The following SRGAP2B variants were observed in gnomAD, a reference collection of about 807,000 sequenced individuals.
SRGAP2B encodes SLIT-ROBO Rho GTPase-activating protein 2B.
Under a neutral mutation model 22.2 loss-of-function variants are expected in SRGAP2B, and 9 were observed. The ratio of observed to expected loss-of-function variants is 0.41; its 90% CI spans 0.24 to 0.71. The LOEUF (loss-of-function observed/expected upper bound fraction) is 0.71. Among genes scored for constraint, SRGAP2B ranks in the 30% least tolerant of loss-of-function variants. The pLI is 0.35. For synonymous variants in SRGAP2B, 36 were observed against 87.4 expected, an observed-to-expected ratio of 0.41 and a Z score of 3.28; for missense variants, 114 against 235.8, an observed-to-expected ratio of 0.48 and a Z score of 3.38.
intron 2 of SRGAP2B, among the ~76,000 whole-genome samples, chr1:145,069,930 C>G (rs1651953741): frequency 6.7e-6 from 1 of 149,206 alleles, no homozygotes; most frequent in Non-Finnish European, 1.5e-5. Flanking sequence ...GTTAATGAAC[C>G]CCAGGCTTAC....
At chr1:145,002,082 T>C in intron 2 of SRGAP2B, among the ~76,000 whole-genome samples, 1 of 106,698 alleles carries the variant, frequency 9.4e-6, no homozygotes. Flanking sequence ...TCTGAAATAA[T>C]TGTTTTTCAT....
intron 3 of SRGAP2B, among the ~76,000 whole-genome samples, chr1:144,993,976 AT>A (rs1216388575): frequency 1.5e-4 from 22 of 150,020 alleles, no homozygotes; most frequent in South Asian, 8.4e-4. Context: ...TTTTTTTGCA[AT>A]TTTTTTTAAG....
intron 2 of SRGAP2B, among the ~76,000 whole-genome samples, chr1:145,022,342 C>A (rs1453282324): frequency 1.0e-5 from 1 of 96,198 alleles, no homozygotes. Flanking sequence ...CAACCCCACA[C>A]ACAAAAACAA....
In SRGAP2B at chr1:144,990,694, C is replaced by A. The variant is rs1370108756; in HGVS notation, c.260+4314G>T. Among the ~76,000 whole-genome samples, 6 of 150,510 alleles carry A rather than the reference C, an allele frequency of 4.0e-5. 1 individual carries two copies. Among genetic ancestry groups the A allele is most frequent in the South Asian group, 2.1e-4 (1 of 4,814 alleles). ...CGGGGCTGCGTGCGGCGCTTGCGGGCCAGCTGGAGTTCCGGGTGGGCTTGG... is the reference window on the plus strand; with the variant it reads ...CGGGGCTGCGTGCGGCGCTTGCGGGACAGCTGGAGTTCCGGGTGGGCTTGG... On this transcript the variant is annotated intron_variant, in intron 3 of 9. Coordinates refer to ENST00000612199, the Ensembl canonical transcript of SRGAP2B.
chr1:144,956,889 A>G (rs1212998144), intron 3 of SRGAP2B, among the ~76,000 whole-genome samples: 3 of 149,300 alleles, frequency 2.0e-5, no homozygotes, highest in Admixed American at 1.3e-4. Flanking sequence ...AATAATTTGC[A>G]GTACTATTTA....
At chr1:144,991,306 C>G (rs1388390825) in intron 3 of SRGAP2B, among the ~76,000 whole-genome samples, 1 of 147,932 alleles carries the variant, frequency 6.8e-6, no homozygotes, top group Non-Finnish European at 1.5e-5. Context: ...CACTCCATAT[C>G]TAGCTCAAGG....
intron 3 of SRGAP2B, among the ~76,000 whole-genome samples, chr1:144,994,644 T>G (rs1187790493): frequency 6.8e-6 from 1 of 146,434 alleles, no homozygotes; most frequent in Non-Finnish European, 1.5e-5. Flanking sequence ...GTTAAGCCCC[T>G]TAACCTTTTT....
At chr1:144,906,002 G>GCTTCTCCGCCTC in exon 6 of SRGAP2B, 1 of 707,272 alleles carries the variant, frequency 1.4e-6, no homozygotes, top group South Asian at 1.5e-5. Context: ...TTCTCCTCCT[G>GCTTCTCCGCCTC]CTTCTCCGCC....
Position 144,933,355 on chromosome 1 carries a change from T to C in SRGAP2B, c.424-18601A>G, listed in dbSNP as rs1253364830. Among the ~76,000 whole-genome samples the C allele has an allele frequency of 1.4e-4, 21 of 150,412 alleles. 1 individual carries two copies. The highest frequency in any genetic ancestry group is 2.1e-4 in the Non-Finnish European group (14 of 67,920). ...CGGCAGAAAAATATTCAAAGGGCTA[T>C]GTTTCATGACCCACAAGGGCATTTT... On this transcript the variant is annotated intron_variant, in intron 4 of 9. Coordinates refer to ENST00000612199, the Ensembl canonical transcript of SRGAP2B.
chr1:145,068,893 A>ATGTATGTGTGTG (rs1301267926), intron 2 of SRGAP2B, among the ~76,000 whole-genome samples: 1 of 109,178 alleles, frequency 9.2e-6, no homozygotes, highest in African/African-American at 3.6e-5. Context: ...ATAAGGTAAA[A>ATGTATGTGTGTG]TGTGTGTGTG....
chr1:144,950,721 G>C (rs11249368), intron 4 of SRGAP2B, among the ~76,000 whole-genome samples: 2 of 148,528 alleles, frequency 1.3e-5, no homozygotes, highest in Non-Finnish European at 3.0e-5. Context: ...AGAAAATCCA[G>C]GATTTTCTCT....
chr1:144,930,500 G>A lies in SRGAP2B; in HGVS notation c.424-15746C>T, dbSNP rs1422431378. On this transcript the variant is annotated intron_variant, in intron 4 of 9. Transcript: ENST00000612199. Reference sequence around the variant, plus strand: ...ATACTAATCTCAGAGATCCTCTGGTGACCACCAAATGGAGGAACTCTACAA... The same window carrying A: ...ATACTAATCTCAGAGATCCTCTGGTAACCACCAAATGGAGGAACTCTACAA... 2.1e-5 allele frequency among the ~76,000 whole-genome samples: 3 copies of A among 141,044 alleles called. No homozygotes were observed. In the East Asian group the frequency reaches 6.2e-4, roughly 29 times the overall value. The allele number at this position is 141,044 out of a possible 152,430, so 92.5% of individuals were successfully genotyped here. A position where few individuals can be genotyped will look rare whatever the true frequency, so the allele number is the denominator to read the frequency against.
exon 10 of SRGAP2B, chr1:144,888,885 G>A (rs1310189005): frequency 6.1e-5 from 8 of 131,522 alleles, no homozygotes; most frequent in South Asian, 4.9e-4. Context: ...TGATCCGCCC[G>A]CCTCGGCCTC....
chr1:144,965,363 C>G (rs1389725952), intron 3 of SRGAP2B, among the ~76,000 whole-genome samples: 1 of 136,436 alleles, frequency 7.3e-6, no homozygotes, highest in East Asian at 2.2e-4. Flanking sequence ...CTGGGAGGCA[C>G]CCCCCAGCAG....
chr1:145,056,907 C>T (rs1650449869), intron 2 of SRGAP2B, among the ~76,000 whole-genome samples: 1 of 133,022 alleles, frequency 7.5e-6, no homozygotes, highest in South Asian at 3.0e-4. Context: ...AACACGAGGG[C>T]AGAGATTAGG....
intron 2 of SRGAP2B, among the ~76,000 whole-genome samples, chr1:145,047,019 TA>T (rs1198347128): frequency 7.4e-6 from 1 of 134,920 alleles, no homozygotes; most frequent in Admixed American, 7.5e-5. Context: ...CTACTATAAA[TA>T]AAAAAATTAG....
chr1:144,991,154 G>A (rs1252498605), intron 3 of SRGAP2B, among the ~76,000 whole-genome samples: 11 of 150,974 alleles, frequency 7.3e-5, no homozygotes, highest in Non-Finnish European at 1.0e-4. Context: ...ATGTAGCTCA[G>A]GGATTGTAAA....
At chr1:144,910,563 C>T (rs1663347487) in intron 5 of SRGAP2B, among the ~76,000 whole-genome samples, 1 of 148,692 alleles carries the variant, frequency 6.7e-6, no homozygotes, top group Non-Finnish European at 1.5e-5. Context: ...CATAAGGCCT[C>T]TGGAATAACA....
intron 5 of SRGAP2B, among the ~76,000 whole-genome samples, chr1:144,909,573 C>T (rs1463521338): frequency 1.1e-3 from 154 of 145,042 alleles, no homozygotes; most frequent in Middle Eastern, 3.5e-3. Flanking sequence ...GGCAACAGAG[C>T]GAGACTCCAT....
Sources: gnomAD v4.1 joint callset for allele counts (sites outside exome capture counted in the v4.1 genomes callset) on GRCh38, gnomAD v4.1.1 for gene constraint, MANE v1.5 for transcripts, NCBI Gene and HGNC (gene_info 2026-07-23, HGNC 2026-07-21) for gene names.